Variants in KCNIP1 observed in about 807,000 individuals in gnomAD.
KCNIP1 encodes the protein potassium voltage-gated channel interacting protein 1.
KCNIP1 carries 18 observed loss-of-function variants against 33.0 expected under a neutral mutation model. The observed-to-expected ratio is 0.55, with a 90% CI of 0.38 to 0.81. The LOEUF (loss-of-function observed/expected upper bound fraction) is 0.81, where lower values mean the gene tolerates loss of function less well. Ranked by LOEUF, KCNIP1 falls within the 30% of genes least tolerant of loss-of-function variation. The pLI is 0.00. For synonymous variants in KCNIP1, 93 were observed against 98.3 expected, an observed-to-expected ratio of 0.95 and a Z score of 0.32; for missense variants, 238 against 271.6, an observed-to-expected ratio of 0.88 and a Z score of 0.87.
Position 170,656,002 on chromosome 5 carries a change from A to G in KCNIP1, c.62-62756A>G, listed in dbSNP as rs190614845. ...GAGGTGGGGGAGAGCAAGAGAGGACAAAACAGGCTGGGTACTGACCTTCCT... is the reference window on the plus strand; with the variant it reads ...GAGGTGGGGGAGAGCAAGAGAGGACGAAACAGGCTGGGTACTGACCTTCCT... On this transcript the variant is annotated intron_variant, in intron 1 of 7. Coordinates refer to ENST00000328939, the MANE Select transcript of KCNIP1 (RefSeq NM_014592.4). Among the ~76,000 whole-genome samples the G allele has an allele frequency of 6.7e-3, 1,017 of 152,354 alleles. 4 individuals are homozygous for G. The highest frequency in any genetic ancestry group is 0.012 in the Non-Finnish European group (803 of 68,040).
At chr5:170,371,656 A>G (rs1232369671) in intron 1 of KCNIP1, among the ~76,000 whole-genome samples, 3 of 152,206 alleles carry the variant, frequency 2.0e-5, no homozygotes, top group Admixed American at 6.5e-5. Flanking sequence ...TTACTGTTCA[A>G]TGAGCTGTGC....
chr5:170,410,741 A>G (rs1755164826), intron 1 of KCNIP1, among the ~76,000 whole-genome samples: 1 of 152,210 alleles, frequency 6.6e-6, no homozygotes, highest in South Asian at 2.1e-4. Flanking sequence ...GAAAATATAA[A>G]TTATTTGGAT....
chr5:170,721,673 C>A, intron 3 of KCNIP1, 160 bp from the exon 4 acceptor site: 2 of 1,504,678 alleles, frequency 1.3e-6, no homozygotes, highest in Non-Finnish European at 1.8e-6. Context: ...ACACCCAAAC[C>A]CAAAGAGTTG....
chr5:170,463,393 C>A (rs778734445), intron 1 of KCNIP1, among the ~76,000 whole-genome samples: 4 of 152,104 alleles, frequency 2.6e-5, no homozygotes, highest in Non-Finnish European at 5.9e-5. Flanking sequence ...CAGACCAATA[C>A]TGCTTATGAA....
At chr5:170,683,085 A>G (rs1189348538) in intron 1 of KCNIP1, among the ~76,000 whole-genome samples, 2 of 151,992 alleles carry the variant, frequency 1.3e-5, no homozygotes, top group African/African-American at 4.8e-5. Flanking sequence ...CATTCATCTA[A>G]TGTTATAGCA....
Position 170,542,925 on chromosome 5 carries a change from T to C in KCNIP1, c.61+38292T>C, listed in dbSNP as rs142943841. 2.2e-3 allele frequency among the ~76,000 whole-genome samples: 339 copies of C among 152,310 alleles called. 2 individuals carry two copies. The highest frequency in any genetic ancestry group is 0.01 in the South Asian group (49 of 4,822). ...GGGGGACTACTGTAATTTACTATAA[T>C]TTATAAATAACAGAAATGTATTGCA... On this transcript the variant is annotated intron_variant, in intron 1 of 7. Transcript: ENST00000328939.
At chr5:170,689,862 C>T (rs1302609308) in intron 1 of KCNIP1, among the ~76,000 whole-genome samples, 2 of 152,196 alleles carry the variant, frequency 1.3e-5, no homozygotes, top group Non-Finnish European at 1.5e-5. Context: ...GGATTCGCTG[C>T]TTCCACTCTT....
intron 1 of KCNIP1, among the ~76,000 whole-genome samples, chr5:170,386,743 G>C (rs541677976): frequency 6.6e-6 from 1 of 151,954 alleles, no homozygotes; most frequent in Non-Finnish European, 1.5e-5. Context: ...AAGAAAGAAG[G>C]CATCATGGTG....
At chr5:170,575,111 T>C (rs2113499625) in intron 1 of KCNIP1, among the ~76,000 whole-genome samples, 1 of 152,356 alleles carries the variant, frequency 6.6e-6, no homozygotes, top group African/African-American at 2.4e-5. Context: ...GCAGTCATAC[T>C]GGAAGCAGCA....
intron 1 of KCNIP1, among the ~76,000 whole-genome samples, chr5:170,559,977 G>A (rs952926491): frequency 6.6e-6 from 1 of 152,182 alleles, no homozygotes; most frequent in African/African-American, 2.4e-5. Flanking sequence ...GTGTCTCCCA[G>A]GGGAAATTCA....
chr5:170,551,294 C>A (rs1197564498), intron 1 of KCNIP1, among the ~76,000 whole-genome samples: 2 of 152,156 alleles, frequency 1.3e-5, no homozygotes, highest in Non-Finnish European at 2.9e-5. Context: ...CTGTATAACC[C>A]TCACCACTTC....
intron 1 of KCNIP1, among the ~76,000 whole-genome samples, chr5:170,612,634 T>G (rs1759208995): frequency 6.6e-6 from 1 of 151,830 alleles, no homozygotes; most frequent in South Asian, 2.1e-4. Context: ...GAAGATGGAG[T>G]AAATTGGTTT....
chr5:170,495,173 A>T (rs1561651117), intron 1 of KCNIP1, among the ~76,000 whole-genome samples: 2 of 152,172 alleles, frequency 1.3e-5, no homozygotes, highest in Non-Finnish European at 2.9e-5. Flanking sequence ...CTTACGGAGC[A>T]TGGAGCCTGA....
chr5:170,733,574 A>G lies in KCNIP1; in HGVS notation c.541-262A>G, dbSNP rs377424018. Among the ~76,000 whole-genome samples the G allele has an allele frequency of 3.9e-5, 6 of 152,344 alleles. No homozygotes were observed. The East Asian group carries it at 1.2e-3, about 29-fold the overall frequency. ...AGGGAGTCTACAGAAGAAGCAGAAT[A>G]AGCCAGCAGTGAGGTGATGAGTGTC... On this transcript the variant is annotated intron_variant, in intron 6 of 7. Transcript: ENST00000328939.
chr5:170,425,230 C>T (rs950280648), intron 1 of KCNIP1, among the ~76,000 whole-genome samples: 2 of 152,206 alleles, frequency 1.3e-5, no homozygotes, highest in African/African-American at 4.8e-5. Flanking sequence ...GCTTCCCCAG[C>T]CCTAGAATGC....
At chr5:170,714,267 C>A (rs748601239) in intron 1 of KCNIP1, among the ~76,000 whole-genome samples, 9 of 152,108 alleles carry the variant, frequency 5.9e-5, no homozygotes, top group Non-Finnish European at 1.3e-4. Context: ...TGGCTACAAG[C>A]GAGTTTGCAA....
chr5:170,475,058 T>C (rs1756823774), intron 1 of KCNIP1, among the ~76,000 whole-genome samples: 1 of 152,204 alleles, frequency 6.6e-6, no homozygotes, highest in South Asian at 2.1e-4. Flanking sequence ...CTGATTGGTC[T>C]ATTTTACAAA....
At chr5:170,708,885 C>T (rs749360951) in intron 1 of KCNIP1, among the ~76,000 whole-genome samples, 2 of 152,058 alleles carry the variant, frequency 1.3e-5, no homozygotes, top group East Asian at 1.9e-4. Flanking sequence ...GATGACATAG[C>T]GAGACCCTGT....
At chr5:170,374,475 C>T (rs1324507962) in intron 1 of KCNIP1, among the ~76,000 whole-genome samples, 2 of 152,148 alleles carry the variant, frequency 1.3e-5, no homozygotes, top group Non-Finnish European at 2.9e-5. Flanking sequence ...CTGTCTGAGA[C>T]CTGGCACTGT....
Sources: allele counts gnomAD v4.1 joint callset (sites outside exome capture counted in the v4.1 genomes callset), GRCh38; gene constraint gnomAD v4.1.1; transcripts MANE v1.5; gene names NCBI Gene and HGNC (gene_info 2026-07-23, HGNC 2026-07-21).